Variants in SLC22A24 observed in about 807,000 individuals in gnomAD.
The protein encoded by SLC22A24 is solute carrier family 22 member 24.
SLC22A24 carries 53 observed loss-of-function variants against 49.8 expected under a neutral mutation model. The ratio of observed to expected loss-of-function variants is 1.06; its 90% CI spans 0.85 to 1.34. The LOEUF is 1.34. SLC22A24 is among the 40% of genes most tolerant of loss of function. SLC22A24 has a pLI of 0.00. For synonymous variants in SLC22A24, 302 were observed against 256.4 expected, an observed-to-expected ratio of 1.18 and a Z score of -1.70; for missense variants, 786 against 675.9, an observed-to-expected ratio of 1.16 and a Z score of -1.81.
At chr11:63,109,926 C>A (rs911872530) in intron 4 of SLC22A24, among the ~76,000 whole-genome samples, 2 of 152,194 alleles carry the variant, frequency 1.3e-5, no homozygotes, top group African/African-American at 4.8e-5. Flanking sequence ...CTTGCCCATG[C>A]CTATGTCCTG....
intron 5 of SLC22A24, among the ~76,000 whole-genome samples, chr11:63,101,035 A>G (rs2087087613): frequency 1.3e-5 from 2 of 152,150 alleles, no homozygotes; most frequent in African/African-American, 4.8e-5. Context: ...CAGACAAAGT[A>G]AAACTGGATA....
chr11:63,081,166 G>T, intron 8 of SLC22A24, 43 bp from the exon 9 acceptor site: 2 of 1,458,964 alleles, frequency 1.4e-6, no homozygotes, highest in Non-Finnish European at 9.4e-7. Flanking sequence ...GTATGAATCT[G>T]TACATGTCAG....
intron 6 of SLC22A24, among the ~76,000 whole-genome samples, chr11:63,093,229 A>C (rs938329320): frequency 9.2e-5 from 14 of 152,232 alleles, no homozygotes; most frequent in African/African-American, 3.4e-4. Flanking sequence ...AAACGCTTTT[A>C]CACTGTTTGT....
At chr11:63,088,239 A>T (rs916450822) in intron 6 of SLC22A24, among the ~76,000 whole-genome samples, 1 of 152,152 alleles carries the variant, frequency 6.6e-6, no homozygotes, top group Non-Finnish European at 1.5e-5. Flanking sequence ...GCAGGCAGCA[A>T]TCTTTGCTGT....
chr11:63,106,036 T>A (rs1214128941), intron 4 of SLC22A24, among the ~76,000 whole-genome samples: 3 of 151,716 alleles, frequency 2.0e-5, no homozygotes, highest in Non-Finnish European at 4.4e-5. Context: ...ACCCATTAAC[T>A]CGTCATTTAG....
At chr11:63,081,515 A>C in intron 8 of SLC22A24, 43 bp downstream of exon 8, 1 of 1,337,222 alleles carries the variant, frequency 7.5e-7, no homozygotes, top group Non-Finnish European at 1.1e-6. Context: ...CAATAAATTC[A>C]GAAATTTGTG....
At chr11:63,131,895 C>T (rs535171824) in intron 2 of SLC22A24, among the ~76,000 whole-genome samples, 1 of 152,290 alleles carries the variant, frequency 6.6e-6, no homozygotes, top group African/African-American at 2.4e-5. Context: ...GTTCCATTTT[C>T]CCTGTCACTT....
At chr11:63,126,512 G>T (rs1028022065) in intron 2 of SLC22A24, among the ~76,000 whole-genome samples, 2 of 152,072 alleles carry the variant, frequency 1.3e-5, no homozygotes, top group Admixed American at 6.6e-5. Flanking sequence ...TGTTCCATTG[G>T]TCTATATATC....
chr11:63,109,003 C>G (rs1337147467), intron 4 of SLC22A24, among the ~76,000 whole-genome samples: 24 of 118,588 alleles, frequency 2.0e-4, no homozygotes, highest in East Asian at 1.7e-3. Flanking sequence ...CCCCTCCCCC[C>G]ACCCCACAAC....
At chr11:63,087,985 C>T (rs1470152213) in intron 6 of SLC22A24, among the ~76,000 whole-genome samples, 3 of 152,190 alleles carry the variant, frequency 2.0e-5, no homozygotes, top group Non-Finnish European at 4.4e-5. Context: ...GGCGCAGCTT[C>T]AGCAAATTTA....
At chr11:63,087,633 G>C (rs548957476) in intron 6 of SLC22A24, among the ~76,000 whole-genome samples, 2 of 152,342 alleles carry the variant, frequency 1.3e-5, no homozygotes, top group East Asian at 3.9e-4. Context: ...GTCTCGCTCA[G>C]TGAGTCCCAC....
At chr11:63,085,644 A>C (rs2086982987) in intron 6 of SLC22A24, among the ~76,000 whole-genome samples, 1 of 152,226 alleles carries the variant, frequency 6.6e-6, no homozygotes, top group African/African-American at 2.4e-5. Flanking sequence ...CAAATATTCT[A>C]TTTAAGTTCC....
intron 6 of SLC22A24, among the ~76,000 whole-genome samples, chr11:63,084,163 G>T (rs2086974756): frequency 6.6e-6 from 1 of 152,182 alleles, no homozygotes. Context: ...ACCTTAGTGA[G>T]GCTGCAAGGG....
chr11:63,128,002 C>T (rs1338146362), intron 2 of SLC22A24, among the ~76,000 whole-genome samples: 7 of 143,282 alleles, frequency 4.9e-5, no homozygotes, highest in Non-Finnish European at 7.6e-5. Context: ...CAGGCACCGA[C>T]GCAAGAGACT....
Position 63,119,066 on chromosome 11 carries a change from A to T in SLC22A24, c.676T>A (p.Leu226Met). ...NTFILSLEWT[L>M]PRSRSMTIMV... ...ATTGTCATAGATCGTGACCGGGGCA[A>T]TGTCCACTCTAAGCCTGGAAGAAAA... is the stretch of plus-strand genomic sequence containing the variant. The change falls in exon 4 of 10, where the codon TTG becomes ATG. Residue 226 changes from leucine to methionine, a missense_variant. Leu to Met is a conservative substitution (Grantham distance 15). Coordinates refer to ENST00000612278, the MANE Select transcript of SLC22A24 (RefSeq NM_001136506.2). 1 of 1,549,674 alleles carries T rather than the reference A, an allele frequency of 6.5e-7. No homozygotes were observed. Among genetic ancestry groups the T allele is most frequent in the Non-Finnish European group, 8.7e-7 (1 of 1,145,478 alleles).
intron 2 of SLC22A24, among the ~76,000 whole-genome samples, chr11:63,123,505 G>A (rs1242800533): frequency 1.3e-5 from 2 of 152,036 alleles, no homozygotes; most frequent in Non-Finnish European, 2.9e-5. Flanking sequence ...TCTGTGACCT[G>A]AATATCCATT....
At chr11:63,140,549 G>A (rs1173238673) in intron 1 of SLC22A24, among the ~76,000 whole-genome samples, 1 of 152,148 alleles carries the variant, frequency 6.6e-6, no homozygotes, top group Non-Finnish European at 1.5e-5. Flanking sequence ...GATTATAGAT[G>A]AGGCTTGGGG....
intron 4 of SLC22A24, chr11:63,116,167 G>A (rs1057180205): frequency 2.4e-6 from 1 of 411,480 alleles, no homozygotes; most frequent in Non-Finnish European, 4.2e-6. Context: ...TTGTTGACCT[G>A]CATCTTCTTT....
chr11:63,098,366 A>C (rs1159779863), intron 5 of SLC22A24, among the ~76,000 whole-genome samples: 1 of 152,150 alleles, frequency 6.6e-6, no homozygotes, highest in African/African-American at 2.4e-5. Flanking sequence ...TACATCCAAA[A>C]TGTATAAAAA....
Sources: allele counts gnomAD v4.1 joint callset (sites outside exome capture counted in the v4.1 genomes callset), GRCh38; gene constraint gnomAD v4.1.1; transcripts MANE v1.5; gene names NCBI Gene and HGNC (gene_info 2026-07-23, HGNC 2026-07-21).